AGAP1: variants seen among roughly 807,000 people sequenced by gnomAD.
AGAP1 encodes arf-GAP with GTPase, ANK repeat and PH domain-containing protein 1.
A neutral mutation model predicts 105.3 loss-of-function variants in AGAP1; 29 were observed. The observed-to-expected ratio is 0.28, with a 90% CI of 0.21 to 0.38. AGAP1 has a LOEUF of 0.38. Ranked by LOEUF, AGAP1 falls within the 10% of genes least tolerant of loss-of-function variation. AGAP1 has a pLI of 1.00. For missense variants in AGAP1, 998 were observed against 1,165.1 expected, an observed-to-expected ratio of 0.86 and a Z score of 2.09; for synonymous variants, 509 against 485.9, an observed-to-expected ratio of 1.05 and a Z score of -0.63.
intron 11 of AGAP1, among the ~76,000 whole-genome samples, chr2:235,911,993 G>A (rs987904849): frequency 6.6e-6 from 1 of 152,230 alleles, no homozygotes; most frequent in African/African-American, 2.4e-5. Flanking sequence ...CCAAGCATGC[G>A]GGTGAAGTCA....
chr2:235,641,371 T>G (rs1309106454), intron 1 of AGAP1, among the ~76,000 whole-genome samples: 2 of 150,842 alleles, frequency 1.3e-5, no homozygotes, highest in African/African-American at 4.9e-5. Context: ...TTTTTTTAAG[T>G]GTCCTGGTTG....
At chr2:235,590,203 T>C (rs1429865201) in intron 1 of AGAP1, among the ~76,000 whole-genome samples, 1 of 152,206 alleles carries the variant, frequency 6.6e-6, no homozygotes, top group African/African-American at 2.4e-5. Flanking sequence ...TCACTGTTAC[T>C]GTCTCCCTGA....
At chr2:235,668,121 A>G (rs752389265) in intron 1 of AGAP1, among the ~76,000 whole-genome samples, 2 of 152,120 alleles carry the variant, frequency 1.3e-5, no homozygotes, top group Non-Finnish European at 2.9e-5. Flanking sequence ...TGACCCTGTG[A>G]TGGTGAAAAT....
chr2:235,883,185 C>A lies in AGAP1; in HGVS notation c.1051-160C>A, dbSNP rs1575688583. Among the ~76,000 whole-genome samples the A allele has an allele frequency of 1.3e-5, 2 of 152,110 alleles. No individual in the cohort carries two copies. The highest frequency in any genetic ancestry group is 1.9e-4 in the East Asian group (1 of 5,174). On this transcript the variant is annotated intron_variant, in intron 9 of 17. Transcript: ENST00000304032. This position sits in a 1 kb window ranked among gnomAD's most constrained non-coding sequence, Gnocchi z 4.5. Reference sequence around the variant, plus strand: ...GTAGCACGTCTCAATGTGTTTGTGTCGTATTTGTTGAACTAATGGCATATC... The same window carrying A: ...GTAGCACGTCTCAATGTGTTTGTGTAGTATTTGTTGAACTAATGGCATATC...
chr2:235,568,312 C>T (rs909961009), intron 1 of AGAP1, among the ~76,000 whole-genome samples: 9 of 152,218 alleles, frequency 5.9e-5, no homozygotes, highest in African/African-American at 1.7e-4. Flanking sequence ...TGCTGCTGTT[C>T]GTGGGCTGCC....
In AGAP1 at chr2:235,960,385, C is replaced by T. The variant is rs1250629171; in HGVS notation, c.1484-8077C>T. Among the ~76,000 whole-genome samples the T allele has an allele frequency of 2.6e-5, 4 of 152,230 alleles. No homozygotes were observed. Among genetic ancestry groups the T allele is most frequent in the African/African-American group, 7.2e-5 (3 of 41,468 alleles). Reference sequence around the variant, plus strand: ...TCCCCGCAGTGGCCAGGACAAGGCTCACATTTTTCTGTTCTCTGTCTCCCC... The same window carrying T: ...TCCCCGCAGTGGCCAGGACAAGGCTTACATTTTTCTGTTCTCTGTCTCCCC... On this transcript the variant is annotated intron_variant, in intron 12 of 17. Coordinates refer to ENST00000304032, the MANE Select transcript of AGAP1 (RefSeq NM_001037131.3). This position sits in a 1 kb window ranked among gnomAD's most constrained non-coding sequence, Gnocchi z 4.9.
chr2:236,010,703 G>A (rs1301588338), intron 13 of AGAP1, among the ~76,000 whole-genome samples: 1 of 152,178 alleles, frequency 6.6e-6, no homozygotes, highest in African/African-American at 2.4e-5. Context: ...GTTTGCTAAC[G>A]CCTTCGGTGT....
chr2:235,617,922 TG>T (rs1438906961), intron 1 of AGAP1, among the ~76,000 whole-genome samples: 1 of 152,138 alleles, frequency 6.6e-6, no homozygotes, highest in Non-Finnish European at 1.5e-5. Flanking sequence ...AGATGGCAGT[TG>T]GGGGACCTGA....
chr2:235,791,868 T>G (rs55752438), intron 6 of AGAP1, among the ~76,000 whole-genome samples: 11,153 of 152,144 alleles, frequency 0.073, 1,315 homozygotes, highest in African/African-American at 0.25. Context: ...TTCAATGAAA[T>G]GTGAAGTAAG....
At chr2:236,008,450 A>C (rs890360184) in intron 13 of AGAP1, among the ~76,000 whole-genome samples, 1 of 152,256 alleles carries the variant, frequency 6.6e-6, no homozygotes, top group East Asian at 1.9e-4. Flanking sequence ...CAAAAAGTCT[A>C]CATTAGAAAT....
At chr2:236,117,701 G>C (rs560316409) in intron 16 of AGAP1, among the ~76,000 whole-genome samples, 1 of 152,170 alleles carries the variant, frequency 6.6e-6, no homozygotes, top group Non-Finnish European at 1.5e-5. Context: ...ATCCTTCACC[G>C]TCATCCCTTT....
chr2:235,993,420 G>C lies in AGAP1; in HGVS notation c.1645+24797G>C, dbSNP rs1459124637. Among the ~76,000 whole-genome samples, 1 of 152,224 alleles carries C rather than the reference G, an allele frequency of 6.6e-6. No individual in the cohort carries two copies. Among genetic ancestry groups the C allele is most frequent in the East Asian group, 1.9e-4 (1 of 5,194 alleles). On this transcript the variant is annotated intron_variant, in intron 13 of 17. Transcript: ENST00000304032. The surrounding 1 kb of genome is among the most constrained non-coding windows in gnomAD (Gnocchi z 5.0). ...CTGGTGTCCCTGAAAGTCCAGCACA[G>C]TGTGTGCACGTGGTATGTCCCTGAT...
chr2:235,991,545 T>C (rs1409221919), intron 13 of AGAP1, among the ~76,000 whole-genome samples: 1 of 152,208 alleles, frequency 6.6e-6, no homozygotes, highest in Admixed American at 6.5e-5. Context: ...CCCCACCTCT[T>C]AAAAAAGGAA....
In AGAP1 at chr2:236,104,195, A is replaced by G. The variant is rs1417830428; in HGVS notation, c.2115-15997A>G. Among the ~76,000 whole-genome samples, 1 of 152,194 alleles carries G rather than the reference A, an allele frequency of 6.6e-6. No homozygotes were observed. Among genetic ancestry groups the G allele is most frequent in the Non-Finnish European group, 1.5e-5 (1 of 68,044 alleles). On this transcript the variant is annotated intron_variant, in intron 16 of 17. Coordinates refer to ENST00000304032, the MANE Select transcript of AGAP1 (RefSeq NM_001037131.3). The surrounding 1 kb of genome is among the most constrained non-coding windows in gnomAD (Gnocchi z 4.7). ...CAGGAAGAGGCTGAGGGCCCGCTCC[A>G]GCAGCCGGGGCGCTGGTAGGGCCAG...
At chr2:236,081,740 T>A (rs2058791045) in intron 16 of AGAP1, among the ~76,000 whole-genome samples, 1 of 151,790 alleles carries the variant, frequency 6.6e-6, no homozygotes, top group Admixed American at 6.6e-5. Context: ...ATCCTATTGC[T>A]AATGAAACCA....
At chr2:236,016,336 A>G (rs1479549871) in intron 13 of AGAP1, among the ~76,000 whole-genome samples, 2 of 147,944 alleles carry the variant, frequency 1.4e-5, no homozygotes, top group South Asian at 2.1e-4. Context: ...CTTAGCGTGC[A>G]TATCATTTCT....
Position 235,791,016 on chromosome 2 carries a change from G to A in AGAP1, c.674-6743G>A, listed in dbSNP as rs1474084120. Among the ~76,000 whole-genome samples, 4 of 152,236 alleles carry A rather than the reference G, an allele frequency of 2.6e-5. No homozygotes were observed. In the South Asian group the frequency reaches 8.3e-4, roughly 31 times the overall value. ...AAACCCAAGAGACCATCATGGATGT[G>A]TGTGCTTCCTCACATGGCTATGATT... On this transcript the variant is annotated intron_variant, in intron 6 of 17. Coordinates refer to ENST00000304032, the MANE Select transcript of AGAP1 (RefSeq NM_001037131.3).
intron 9 of AGAP1, among the ~76,000 whole-genome samples, chr2:235,818,064 C>T (rs948527298): frequency 6.6e-6 from 1 of 152,236 alleles, no homozygotes; most frequent in African/African-American, 2.4e-5. Flanking sequence ...ATCCGATCTG[C>T]TCCCTGCAAT....
At chr2:235,856,494 G>A (rs2048690885) in intron 9 of AGAP1, among the ~76,000 whole-genome samples, 1 of 152,204 alleles carries the variant, frequency 6.6e-6, no homozygotes, top group Non-Finnish European at 1.5e-5. Flanking sequence ...TTAAACTTGG[G>A]CCCTTGAGGT....
Sources: allele counts gnomAD v4.1 joint callset (sites outside exome capture counted in the v4.1 genomes callset), GRCh38; gene constraint gnomAD v4.1.1; non-coding constraint Gnocchi (gnomAD v3.1); transcripts MANE v1.5; gene names NCBI Gene and HGNC (gene_info 2026-07-23, HGNC 2026-07-21).